The following NEBL variants were observed in gnomAD, a reference collection of about 807,000 sequenced individuals.
NEBL encodes nebulette.
NEBL carries 122 observed loss-of-function variants against 140.2 expected under a neutral mutation model. That is an observed-to-expected ratio of 0.87 (90% CI 0.75 to 1.01). The LOEUF is 1.01. Ranked by LOEUF, NEBL falls within the 50% of genes least tolerant of loss-of-function variation. The pLI is 0.00. For synonymous variants in NEBL, 436 were observed against 398.9 expected (o/e 1.09, Z -1.11); for missense variants, 1,365 against 1,231.3 (o/e 1.11, Z -1.62).
At chr10:20,831,083 C>T (rs1840366596) in intron 16 of NEBL, 113 bp downstream of exon 16, 4 of 803,300 alleles carry the variant, frequency 5.0e-6, no homozygotes, top group Middle Eastern at 2.2e-4. Flanking sequence ...TGAAAGAGTA[C>T]ACTAGCTCTG....
chr10:21,229,324 C>T (rs747447598), intron 3 of NEBL, among the ~76,000 whole-genome samples: 5 of 152,096 alleles, frequency 3.3e-5, no homozygotes, highest in South Asian at 2.1e-4. Context: ...GGGAAACTGA[C>T]GTGGGAGAAT....
intron 6 of NEBL, 59 bp downstream of exon 6, chr10:20,869,681 C>T (rs890210737): frequency 8.6e-7 from 1 of 1,163,982 alleles, no homozygotes; most frequent in African/African-American, 1.5e-5. Flanking sequence ...TGAAGCTATG[C>T]TTTGCCTCCT....
chr10:20,794,452 T>G (rs954291154), intron 26 of NEBL, among the ~76,000 whole-genome samples: 2 of 152,198 alleles, frequency 1.3e-5, no homozygotes, highest in Non-Finnish European at 2.9e-5. Flanking sequence ...ATACTACTTA[T>G]AGTGATAAAA....
At chr10:20,961,122 C>T (rs1836031882) in intron 4 of NEBL, among the ~76,000 whole-genome samples, 1 of 152,102 alleles carries the variant, frequency 6.6e-6, no homozygotes, top group Non-Finnish European at 1.5e-5. Flanking sequence ...TAATACCTCC[C>T]TAATACATTT....
intron 3 of NEBL, among the ~76,000 whole-genome samples, chr10:21,205,729 G>A (rs1047530780): frequency 3.3e-5 from 5 of 152,050 alleles, no homozygotes; most frequent in African/African-American, 1.2e-4. Flanking sequence ...TTATATTTAG[G>A]TATATTTATG....
intron 26 of NEBL, among the ~76,000 whole-genome samples, chr10:20,795,044 A>C (rs1425245831): frequency 1.3e-5 from 2 of 152,194 alleles, no homozygotes. Flanking sequence ...TCTTGACTAT[A>C]CTAAACCTAA....
At chr10:21,280,338 T>C (rs1467615363) in intron 1 of NEBL, among the ~76,000 whole-genome samples, 1 of 152,150 alleles carries the variant, frequency 6.6e-6, no homozygotes, top group African/African-American at 2.4e-5. Flanking sequence ...CTGTTAAATG[T>C]ATGAGTTTAT....
chr10:20,974,248 T>C (rs1321001493), intron 3 of NEBL, among the ~76,000 whole-genome samples: 2 of 150,386 alleles, frequency 1.3e-5, no homozygotes, highest in Admixed American at 6.6e-5. Context: ...GCTTAGTTTT[T>C]TTTCTTTTTT....
chr10:21,000,361 T>C (rs1400518004), intron 3 of NEBL, among the ~76,000 whole-genome samples: 1 of 152,018 alleles, frequency 6.6e-6, no homozygotes, highest in Non-Finnish European at 1.5e-5. Context: ...GGGTGGTTTA[T>C]TGTGTCCCAT....
At chr10:21,087,937 C>T (rs770615012) in intron 2 of NEBL, among the ~76,000 whole-genome samples, 1 of 152,214 alleles carries the variant, frequency 6.6e-6, no homozygotes, top group Non-Finnish European at 1.5e-5. Context: ...TGCCCTGAAT[C>T]TGACGATTTG....
intron 12 of NEBL, 54 bp downstream of exon 12, chr10:20,845,204 G>C: frequency 8.8e-7 from 1 of 1,136,572 alleles, no homozygotes; most frequent in Non-Finnish European, 1.3e-6. Flanking sequence ...ACATTTCCTG[G>C]GTTTTTTCTT....
chr10:20,927,596 G>C (rs945542287), intron 4 of NEBL, among the ~76,000 whole-genome samples: 1 of 152,160 alleles, frequency 6.6e-6, no homozygotes, highest in African/African-American at 2.4e-5. Context: ...TTTCAACTAT[G>C]AGTTAAAAAC....
intron 5 of NEBL, among the ~76,000 whole-genome samples, chr10:20,877,529 A>C (rs952407342): frequency 1.2e-4 from 18 of 152,236 alleles, no homozygotes; most frequent in Non-Finnish European, 1.6e-4. Flanking sequence ...ATCGAGCTGC[A>C]GACATACACA....
At chr10:20,842,877 C>T (rs1224979291) in intron 12 of NEBL, among the ~76,000 whole-genome samples, 1 of 152,048 alleles carries the variant, frequency 6.6e-6, no homozygotes, top group Non-Finnish European at 1.5e-5. Context: ...TCCTCCCACC[C>T]TCCAGCCTCT....
At chr10:21,274,709 A>G (rs1033388335) in intron 1 of NEBL, among the ~76,000 whole-genome samples, 1 of 152,142 alleles carries the variant, frequency 6.6e-6, no homozygotes, top group Non-Finnish European at 1.5e-5. Flanking sequence ...TACAAGTTTG[A>G]GCCACCACAC....
At chr10:20,854,932 A>T (rs185676130) in intron 9 of NEBL, among the ~76,000 whole-genome samples, 161 of 152,168 alleles carry the variant, frequency 1.1e-3, no homozygotes, top group African/African-American at 3.8e-3. Flanking sequence ...TTTTTAAAAA[A>T]GCCTTTTTTT....
At position 21,157,934 on chromosome 10, in the gene NEBL, G is replaced by A. The variant is rs145625967; in HGVS notation, c.164+14449C>T. Among the ~76,000 whole-genome samples the A allele has an allele frequency of 2.0e-3, 302 of 152,254 alleles. 1 individual carries two copies. The highest frequency in any genetic ancestry group is 7.0e-3 in the African/African-American group (292 of 41,552). Reference sequence around the variant, plus strand: ...TGATGTGAAGACACAGGGAGAAGACGGCTAGCCATCTATTCAACATAAGCC... The same window carrying A: ...TGATGTGAAGACACAGGGAGAAGACAGCTAGCCATCTATTCAACATAAGCC... On this transcript the variant is annotated intron_variant, in intron 2 of 6. Transcript: ENST00000417816.
chr10:20,924,750 T>C (rs1029705885), intron 4 of NEBL, among the ~76,000 whole-genome samples: 1 of 152,150 alleles, frequency 6.6e-6, no homozygotes, highest in Non-Finnish European at 1.5e-5. Flanking sequence ...GTGTGCTCTC[T>C]GGAACACTGT....
chr10:20,981,850 C>T (rs1837058601), intron 3 of NEBL, among the ~76,000 whole-genome samples: 1 of 152,158 alleles, frequency 6.6e-6, no homozygotes, highest in Non-Finnish European at 1.5e-5. Context: ...GCCTATGAGC[C>T]CCTCTTAGCA....
Sources: allele counts gnomAD v4.1 joint callset (sites outside exome capture counted in the v4.1 genomes callset), GRCh38; gene constraint gnomAD v4.1.1; transcripts MANE v1.5; gene names NCBI Gene and HGNC (gene_info 2026-07-23, HGNC 2026-07-21).